JAM2: variants seen among roughly 807,000 people sequenced by gnomAD.
The protein encoded by JAM2 is junctional adhesion molecule B.
Under a neutral mutation model 42.0 loss-of-function variants are expected in JAM2, and 17 were observed. That is an observed-to-expected ratio of 0.40 (90% CI 0.28 to 0.61). The LOEUF is 0.61. Among genes scored for constraint, JAM2 ranks in the 20% least tolerant of loss-of-function variants. The pLI is 0.37. For missense variants in JAM2, 319 were observed against 358.3 expected, an observed-to-expected ratio of 0.89 and a Z score of 0.89; for synonymous variants, 118 against 128.6, an observed-to-expected ratio of 0.92 and a Z score of 0.56.
intron 1 of JAM2, among the ~76,000 whole-genome samples, chr21:25,661,621 TTATGTATATAAATTA>T (rs1416588928): frequency 6.6e-6 from 1 of 151,886 alleles, no homozygotes; most frequent in African/African-American, 2.4e-5. Flanking sequence ...TATATAAATT[TTATGTATATAAATTA>T]TATGTTTGTA....
chr21:25,712,157 T>C, intron 8 of JAM2, 183 bp from the exon 9 acceptor site: 1 of 627,976 alleles, frequency 1.6e-6, no homozygotes, highest in South Asian at 1.6e-5. Flanking sequence ...TGCATGACTT[T>C]CTCTGTGAAT....
intron 9 of JAM2, 39 bp downstream of exon 9, chr21:25,712,421 T>A (rs760473141): frequency 7.1e-7 from 1 of 1,415,684 alleles, no homozygotes; most frequent in African/African-American, 1.4e-5. Flanking sequence ...ATGAATATGT[T>A]TGGGGAATAG....
At chr21:25,641,961 T>G (rs1211152274) in intron 1 of JAM2, among the ~76,000 whole-genome samples, 1 of 152,156 alleles carries the variant, frequency 6.6e-6, no homozygotes, top group African/African-American at 2.4e-5. Context: ...ATAACTAGAC[T>G]GGGGTTATAG....
At chr21:25,702,022 AT>A in intron 5 of JAM2, 147 bp from the exon 6 acceptor site, 1 of 467,034 alleles carries the variant, frequency 2.1e-6, no homozygotes, top group Non-Finnish European at 3.8e-6. Context: ...GTCATGGCAG[AT>A]TTTTAAATTC....
At chr21:25,688,749 A>G (rs2033811253) in intron 2 of JAM2, among the ~76,000 whole-genome samples, 2 of 152,324 alleles carry the variant, frequency 1.3e-5, no homozygotes, top group African/African-American at 4.8e-5. Context: ...AATGAAAAAA[A>G]TTAGAAACTA....
rs755554874 is a variant in JAM2 at position 25,639,676 on chromosome 21, T to C, written c.-146T>C. On this transcript the variant is annotated 5_prime_UTR_variant, in exon 1 of 10. Transcript: ENST00000480456. Reference sequence around the variant, plus strand: ...CGCCCCGGGGAGGGGGAAACTGACATCCCATCTAGAGCCGTCCCTCCTCTT... The same window carrying C: ...CGCCCCGGGGAGGGGGAAACTGACACCCCATCTAGAGCCGTCCCTCCTCTT... 1.9e-6 allele frequency: 1 copy of C among 526,094 alleles called. No individual in the cohort carries two copies. Among genetic ancestry groups the C allele is most frequent in the Non-Finnish European group, 3.3e-6 (1 of 299,908 alleles). 32.6% of individuals were successfully genotyped at this position (526,094 alleles called of 1,614,324 possible).
At chr21:25,687,291 A>C (rs2033771439) in intron 2 of JAM2, among the ~76,000 whole-genome samples, 1 of 152,236 alleles carries the variant, frequency 6.6e-6, no homozygotes, top group Non-Finnish European at 1.5e-5. Flanking sequence ...CAACTTTGTA[A>C]GATGAGTACT....
intron 1 of JAM2, among the ~76,000 whole-genome samples, chr21:25,655,725 A>G (rs2032920654): frequency 7.4e-6 from 1 of 135,420 alleles, no homozygotes; most frequent in Non-Finnish European, 1.5e-5. Context: ...CGAACTCTTG[A>G]CCTCAGGTGA....
intron 1 of JAM2, among the ~76,000 whole-genome samples, chr21:25,655,190 A>C (rs1287239430): frequency 6.6e-6 from 1 of 152,120 alleles, no homozygotes; most frequent in East Asian, 1.9e-4. Context: ...TGTAGTAAAC[A>C]TGATAAAATC....
At chr21:25,698,207 G>C (rs1044165217) in intron 4 of JAM2, among the ~76,000 whole-genome samples, 3 of 152,112 alleles carry the variant, frequency 2.0e-5, no homozygotes, top group Admixed American at 6.6e-5. Context: ...CTAAATAGTT[G>C]GGACAGTGGT....
At chr21:25,644,929 G>A (rs2032562496) in intron 1 of JAM2, among the ~76,000 whole-genome samples, 1 of 152,134 alleles carries the variant, frequency 6.6e-6, no homozygotes, top group African/African-American at 2.4e-5. Flanking sequence ...CACCCAAGCT[G>A]GAATGCAGTG....
At position 25,714,803 on chromosome 21, in the gene JAM2, T is replaced by C. The variant is rs1296226734; in HGVS notation, c.*131T>C. 7 of 582,878 alleles carry C rather than the reference T, an allele frequency of 1.2e-5. No individual in the cohort carries two copies. The Admixed American group carries it at 1.7e-4, about 14-fold the overall frequency. 36.1% of individuals were successfully genotyped at this position (582,878 alleles called of 1,614,324 possible). The stretch of plus-strand genomic sequence containing the variant: ...TGGAATTGGTATTTCATTTTAATTT[T>C]CATGACTACTAACTCACCTGAACTT... On this transcript the variant is annotated 3_prime_UTR_variant, in exon 10 of 10. Transcript: ENST00000480456.
rs1162987923 is a variant in JAM2, at chr21:25,695,941, C to T, written c.394+2033C>T. ...GCAGAGGGGCTCCTCACATCCCAGA[C>T]GATGGGTGGCCAGGCAGAGACGCTC... On this transcript the variant is annotated intron_variant, in intron 4 of 9. Coordinates refer to ENST00000480456, the MANE Select transcript of JAM2 (RefSeq NM_021219.4). 1.2e-4 allele frequency among the ~76,000 whole-genome samples: 18 copies of T among 147,760 alleles called. No homozygotes were observed. In the East Asian group the frequency reaches 2.4e-3, roughly 20 times the overall value.
intron 1 of JAM2, among the ~76,000 whole-genome samples, chr21:25,676,605 C>T (rs1260835091): frequency 2.0e-5 from 3 of 152,164 alleles, no homozygotes; most frequent in Non-Finnish European, 4.4e-5. Flanking sequence ...TTATGAACTT[C>T]TGCCAGTGCT....
At chr21:25,677,879 A>C (rs935527027) in intron 1 of JAM2, among the ~76,000 whole-genome samples, 1 of 152,206 alleles carries the variant, frequency 6.6e-6, no homozygotes, top group East Asian at 1.9e-4. Context: ...AGACTTTTTC[A>C]AAGTATACTT....
chr21:25,649,741 T>C (rs1244873944), intron 1 of JAM2, among the ~76,000 whole-genome samples: 1 of 152,174 alleles, frequency 6.6e-6, no homozygotes, highest in East Asian at 1.9e-4. Flanking sequence ...CAATAGAGAC[T>C]GTTTTAGTCT....
intron 1 of JAM2, among the ~76,000 whole-genome samples, chr21:25,647,591 A>G (rs1259500332): frequency 6.6e-6 from 1 of 152,228 alleles, no homozygotes; most frequent in Non-Finnish European, 1.5e-5. Flanking sequence ...ATGCAGTGGG[A>G]GCTATTTTCT....
At chr21:25,687,357 C>T (rs1380269095) in intron 2 of JAM2, among the ~76,000 whole-genome samples, 1 of 152,128 alleles carries the variant, frequency 6.6e-6, no homozygotes, top group Non-Finnish European at 1.5e-5. Flanking sequence ...GTAATTCTCC[C>T]AATATCACAT....
intron 8 of JAM2, chr21:25,711,560 C>G (rs1358557282): frequency 2.7e-6 from 1 of 368,756 alleles, no homozygotes. Context: ...ATCCTGGTCT[C>G]TCAGTCTCGT....
Sources: gnomAD v4.1 joint callset for allele counts (sites outside exome capture counted in the v4.1 genomes callset) on GRCh38, gnomAD v4.1.1 for gene constraint, MANE v1.5 for transcripts, NCBI Gene and HGNC (gene_info 2026-07-23, HGNC 2026-07-21) for gene names.